DNAJC11: variants seen among roughly 807,000 people sequenced by gnomAD.
The protein encoded by DNAJC11 is DnaJ heat shock protein family (Hsp40) member C11.
A neutral mutation model predicts 78.6 loss-of-function variants in DNAJC11; 15 were observed. The ratio of observed to expected loss-of-function variants is 0.19; its 90% CI spans 0.13 to 0.29. The LOEUF is 0.29. DNAJC11 is among the 10% of genes least tolerant of loss of function. DNAJC11 has a pLI of 1.00. For missense variants in DNAJC11, 547 were observed against 709.6 expected (o/e 0.77, Z 2.60); for synonymous variants, 292 against 272.1 (o/e 1.07, Z -0.72).
intron 3 of DNAJC11, among the ~76,000 whole-genome samples, chr1:6,676,206 G>A (rs1642459984): frequency 6.6e-6 from 1 of 152,154 alleles, no homozygotes; most frequent in Admixed American, 6.5e-5. Flanking sequence ...AACGCAAGGG[G>A]GAGTGGTGGG....
At chr1:6,641,544 T>C (rs1362307337) in intron 10 of DNAJC11, among the ~76,000 whole-genome samples, 1 of 151,718 alleles carries the variant, frequency 6.6e-6, no homozygotes, top group Non-Finnish European at 1.5e-5. Flanking sequence ...AAAATTTTTT[T>C]TTTTTTTTGA....
chr1:6,662,504 A>T (rs1282132027), intron 4 of DNAJC11, among the ~76,000 whole-genome samples: 8 of 152,120 alleles, frequency 5.3e-5, no homozygotes, highest in Non-Finnish European at 1.2e-4. Context: ...TCAGGTGGGG[A>T]CTTGGAGAAC....
chr1:6,645,730 T>C lies in DNAJC11; in HGVS notation c.894+59A>G. On this transcript the variant is annotated intron_variant, in intron 8 of 15. Coordinates refer to ENST00000377577, the MANE Select transcript of DNAJC11 (RefSeq NM_018198.4). This position sits in a 1 kb window ranked among gnomAD's most constrained non-coding sequence, Gnocchi z 4.1. ...AGGATTTAAGGGGAGCACTGAGTGC[T>C]TGGGAGGAGGGGTCCTCCCAGAGCT... 2 of 1,568,274 alleles carry C rather than the reference T, an allele frequency of 1.3e-6. No individual in the cohort carries two copies. The highest frequency in any genetic ancestry group is 1.7e-6 in the Non-Finnish European group (2 of 1,143,552).
chr1:6,668,716 G>A (rs1158237050), intron 3 of DNAJC11, among the ~76,000 whole-genome samples: 10 of 151,982 alleles, frequency 6.6e-5, no homozygotes, highest in Non-Finnish European at 1.5e-4. Flanking sequence ...TTGCAGGCAC[G>A]AGCCACCATG....
chr1:6,637,526 A>C, intron 12 of DNAJC11, 22 bp from the exon 13 acceptor site: 1 of 1,614,086 alleles, frequency 6.2e-7, no homozygotes, highest in East Asian at 2.2e-5. Context: ...CAAGGATGAC[A>C]CAGTCAGGGC....
intron 3 of DNAJC11, among the ~76,000 whole-genome samples, chr1:6,668,772 A>G (rs926604400): frequency 2.6e-5 from 4 of 152,138 alleles, no homozygotes; most frequent in Non-Finnish European, 5.9e-5. Context: ...TCTTCTTCTT[A>G]TAACAGTATA....
Position 6,701,774 on chromosome 1 carries a change from C to A in DNAJC11, c.27G>T (p.Glu9Asp). ...ACGAGTAATAGTCTTCATTGTCCAG[C>A]TCCTCCTCGCTCAAGGCCGTCGCCA... MATALSEE[E>D]LDNEDYYSLL... The change falls in exon 1 of 16, where the codon GAG (glutamate) becomes GAT (aspartate). Residue 9 changes from glutamate (E) to aspartate (D), a missense_variant. Coordinates refer to ENST00000377577, the MANE Select transcript of DNAJC11 (RefSeq NM_018198.4). 1.3e-6 allele frequency: 2 copies of A among 1,566,622 alleles called. No individual in the cohort carries two copies. The highest frequency in any genetic ancestry group is 1.7e-6 in the Non-Finnish European group (2 of 1,158,650).
rs778780973 is a variant in DNAJC11, at chr1:6,645,702, C to T, written c.894+87G>A. ...GGCTTAGACTTAGTGGTGATCAGGA[C>T]GCAGGATTTAAGGGGAGCACTGAGT... On this transcript the variant is annotated intron_variant, in intron 8 of 15. Coordinates refer to ENST00000377577, the MANE Select transcript of DNAJC11 (RefSeq NM_018198.4). The surrounding 1 kb of genome is among the most constrained non-coding windows in gnomAD (Gnocchi z 4.1). 1.8e-5 allele frequency: 26 copies of T among 1,467,064 alleles called. No homozygotes were observed. Among genetic ancestry groups the T allele is most frequent in the South Asian group, 2.5e-5 (2 of 80,496 alleles). The allele number at this position is 1,467,064 out of a possible 1,614,324, so 90.9% of individuals were successfully genotyped here.
chr1:6,651,724 T>C (rs1199664184), intron 6 of DNAJC11, 122 bp from the exon 7 acceptor site: 4 of 725,662 alleles, frequency 5.5e-6, no homozygotes, highest in Non-Finnish European at 9.4e-6. Context: ...GCCAGGGCTC[T>C]AAAAGAAGGG....
rs887354231 is a variant in DNAJC11 at position 6,634,833 on chromosome 1, T to A, written c.*842A>T. 1 of 1,243,478 alleles carries A rather than the reference T, an allele frequency of 8.0e-7. No individual in the cohort carries two copies. The highest frequency in any genetic ancestry group is 2.7e-5 in the Admixed American group (1 of 37,556). 77.0% of individuals were successfully genotyped at this position (1,243,478 alleles called of 1,614,324 possible). A position where few individuals can be genotyped will look rare whatever the true frequency, so the allele number is the denominator to read the frequency against. The stretch of plus-strand genomic sequence containing the variant: ...CTGGGGTCCACGCCTTTGGGTTGGG[T>A]GTGTCTGATGTCTTGCCAAGCGCCT... On this transcript the variant is annotated 3_prime_UTR_variant, in exon 16 of 16. Transcript: ENST00000377577.
chr1:6,691,094 A>G (rs967545154), intron 1 of DNAJC11, among the ~76,000 whole-genome samples: 1 of 152,166 alleles, frequency 6.6e-6, no homozygotes, highest in African/African-American at 2.4e-5. Flanking sequence ...ACACAGAGTT[A>G]AGGAAAAAAC....
In DNAJC11 at chr1:6,684,237, T is replaced by G. The variant is rs147560908; in HGVS notation, c.73-3200A>C. 1.6e-3 allele frequency among the ~76,000 whole-genome samples: 243 copies of G among 152,232 alleles called. 2 individuals are homozygous for G. Among genetic ancestry groups the G allele is most frequent in the African/African-American group, 5.4e-3 (226 of 41,540 alleles). On this transcript the variant is annotated intron_variant, in intron 1 of 15. Coordinates refer to ENST00000377577, the MANE Select transcript of DNAJC11 (RefSeq NM_018198.4). Reference sequence around the variant, plus strand: ...CTGGGACTACAGGCGCACGCCACCATGCCCAGCTAATTGTTTGAATTTTTA... The same window carrying G: ...CTGGGACTACAGGCGCACGCCACCAGGCCCAGCTAATTGTTTGAATTTTTA...
rs569126837 is a variant in DNAJC11, at chr1:6,635,790, G to A, written c.1655-90C>T. 77 of 1,504,406 alleles carry A rather than the reference G, an allele frequency of 5.1e-5. No individual in the cohort carries two copies. The Middle Eastern group carries it at 6.9e-4, about 14-fold the overall frequency. 93.2% of individuals were successfully genotyped at this position (1,504,406 alleles called of 1,614,324 possible). ...TGGGGCTCAGCAGTCACCCGGACCA[G>A]CAGCTGGCTGGGCCCAGGCGAGGCA... On this transcript the variant is annotated intron_variant, in intron 15 of 15. Coordinates refer to ENST00000377577, the MANE Select transcript of DNAJC11 (RefSeq NM_018198.4).
rs199661712 is a variant in DNAJC11, at chr1:6,636,098, C to G, written c.1654+19G>C. ...CCCCGCCCCCGTTAGCTGGTGACTGCGAAGGGACGGCTACTCACACTGCTT... is the reference window on the plus strand; with the variant it reads ...CCCCGCCCCCGTTAGCTGGTGACTGGGAAGGGACGGCTACTCACACTGCTT... On this transcript the variant is annotated intron_variant, in intron 15 of 15. Transcript: ENST00000377577. The G allele has an allele frequency of 1.2e-6, 2 of 1,608,986 alleles. No homozygotes were observed. Among genetic ancestry groups the G allele is most frequent in the South Asian group, 1.1e-5 (1 of 90,552 alleles).
chr1:6,658,650 T>C (rs200748612), intron 4 of DNAJC11, among the ~76,000 whole-genome samples: 4 of 106,800 alleles, frequency 3.7e-5, no homozygotes, highest in Admixed American at 1.1e-4. Context: ...ACAAAAAAAA[T>C]TGAAAAAAAA....
At chr1:6,679,415 C>T (rs1037564516) in intron 2 of DNAJC11, among the ~76,000 whole-genome samples, 1 of 152,136 alleles carries the variant, frequency 6.6e-6, no homozygotes, top group Non-Finnish European at 1.5e-5. Flanking sequence ...GCTGTTCAAA[C>T]GATATCCCAA....
chr1:6,669,560 G>A (rs1404382823), intron 3 of DNAJC11, among the ~76,000 whole-genome samples: 1 of 149,094 alleles, frequency 6.7e-6, no homozygotes, highest in Non-Finnish European at 1.5e-5. Flanking sequence ...GAAAAGAAAA[G>A]AAAAGAAAAG....
At chr1:6,674,186 C>T (rs1346477569) in intron 3 of DNAJC11, among the ~76,000 whole-genome samples, 1 of 152,102 alleles carries the variant, frequency 6.6e-6, no homozygotes, top group African/African-American at 2.4e-5. Context: ...AACAGTATGG[C>T]TGGTTTTATA....
chr1:6,664,010 G>C (rs937586690), intron 4 of DNAJC11, among the ~76,000 whole-genome samples: 1 of 152,190 alleles, frequency 6.6e-6, no homozygotes, highest in South Asian at 2.1e-4. Flanking sequence ...GGATGTGCCT[G>C]TGTTCCTGCA....
Sources: allele counts gnomAD v4.1 joint callset (sites outside exome capture counted in the v4.1 genomes callset), GRCh38; gene constraint gnomAD v4.1.1; non-coding constraint Gnocchi (gnomAD v3.1); transcripts MANE v1.5; gene names NCBI Gene and HGNC (gene_info 2026-07-23, HGNC 2026-07-21).